The following IMMP2L variants were observed in gnomAD, a reference collection of about 807,000 sequenced individuals.
The protein encoded by IMMP2L is mitochondrial inner membrane protease subunit 2.
In IMMP2L, 18 loss-of-function variants were observed where a neutral mutation model predicts 19.3. The ratio of observed to expected loss-of-function variants is 0.93; its 90% confidence interval spans 0.64 to 1.38. The LOEUF (loss-of-function observed/expected upper bound fraction) is 1.38. Among genes scored for constraint, IMMP2L ranks in the 40% most tolerant of loss-of-function variants. IMMP2L has a pLI of 0.00. For missense variants in IMMP2L, 233 were observed against 218.2 expected, an observed-to-expected ratio of 1.07 and a Z score of -0.43; for synonymous variants, 76 against 73.0, an observed-to-expected ratio of 1.04 and a Z score of -0.21.
Position 111,454,352 on chromosome 7 carries a change from T to G in IMMP2L, c.239+32886A>C, listed in dbSNP as rs1041342497. ...TTCATGGGTAAAAATAAAGTTAAAA[T>G]TTTTTATTTTAATTTTGAAAAAGTA... On this transcript the variant is annotated intron_variant, in intron 3 of 5. Coordinates refer to ENST00000405709, the MANE Select transcript of IMMP2L (RefSeq NM_032549.4). Among the ~76,000 whole-genome samples, 22 of 152,116 alleles carry G rather than the reference T, an allele frequency of 1.4e-4. 1 individual carries two copies. The highest frequency in any genetic ancestry group is 5.3e-4 in the African/African-American group (22 of 41,432).
chr7:111,257,776 T>C (rs1238941352), intron 3 of IMMP2L, among the ~76,000 whole-genome samples: 2 of 152,090 alleles, frequency 1.3e-5, no homozygotes, highest in Non-Finnish European at 2.9e-5. Context: ...AACACCTTTT[T>C]CTTTTTCTTT....
intron 3 of IMMP2L, among the ~76,000 whole-genome samples, chr7:111,464,934 G>A (rs770218706): frequency 4.6e-5 from 7 of 151,934 alleles, no homozygotes; most frequent in East Asian, 3.9e-4. Flanking sequence ...GACTACAGGC[G>A]CCCGCCACCA....
chr7:111,093,907 G>C (rs1436723872), intron 3 of IMMP2L, among the ~76,000 whole-genome samples: 1 of 152,156 alleles, frequency 6.6e-6, no homozygotes, highest in Admixed American at 6.5e-5. Flanking sequence ...GCAACATGCT[G>C]AGTTAGAATG....
At chr7:111,178,841 C>G (rs562414050) in intron 3 of IMMP2L, among the ~76,000 whole-genome samples, 1 of 152,124 alleles carries the variant, frequency 6.6e-6, no homozygotes, top group African/African-American at 2.4e-5. Context: ...GTCTTGAACC[C>G]CTCAAAGTCA....
chr7:111,170,074 T>C (rs1448198071), intron 3 of IMMP2L, among the ~76,000 whole-genome samples: 1 of 151,978 alleles, frequency 6.6e-6, no homozygotes. Flanking sequence ...TCTATACATA[T>C]GCATACATTC....
chr7:110,735,523 G>C (rs912663424), intron 5 of IMMP2L, among the ~76,000 whole-genome samples: 1 of 151,814 alleles, frequency 6.6e-6, no homozygotes, highest in African/African-American at 2.4e-5. Flanking sequence ...GGCTGGGTGT[G>C]GTGGCTTGTG....
At chr7:110,696,425 C>CTT (rs374621101) in intron 5 of IMMP2L, among the ~76,000 whole-genome samples, 18,554 of 119,746 alleles carry the variant, frequency 0.15, 2,204 homozygotes, top group Non-Finnish European at 0.22. Flanking sequence ...TCCTTTTTCT[C>CTT]TTTTTTTTTT....
intron 2 of IMMP2L, among the ~76,000 whole-genome samples, chr7:111,507,381 A>G (rs1845023066): frequency 6.6e-6 from 1 of 152,168 alleles, no homozygotes; most frequent in Non-Finnish European, 1.5e-5. Context: ...TTCGCCTGGA[A>G]ATCTCCTTAG....
At chr7:111,271,662 A>G (rs1302019029) in intron 3 of IMMP2L, among the ~76,000 whole-genome samples, 1 of 152,140 alleles carries the variant, frequency 6.6e-6, no homozygotes, top group African/African-American at 2.4e-5. Context: ...TTTGACAATC[A>G]GTGGCCCAGG....
At chr7:110,798,987 T>C (rs963654542) in intron 5 of IMMP2L, among the ~76,000 whole-genome samples, 4 of 151,996 alleles carry the variant, frequency 2.6e-5, no homozygotes, top group Non-Finnish European at 5.9e-5. Context: ...ACTAAAACAA[T>C]GGTAATACGC....
intron 2 of IMMP2L, among the ~76,000 whole-genome samples, chr7:111,490,750 A>G (rs560047456): frequency 6.6e-6 from 1 of 152,290 alleles, no homozygotes; most frequent in South Asian, 2.1e-4. Flanking sequence ...AATAATAACT[A>G]TTATCTAATT....
intron 4 of IMMP2L, among the ~76,000 whole-genome samples, chr7:110,922,828 G>A (rs564667138): frequency 1.3e-5 from 2 of 152,284 alleles, no homozygotes; most frequent in African/African-American, 4.8e-5. Flanking sequence ...AAGTCTGGAT[G>A]TAATGTTTTT....
intron 3 of IMMP2L, among the ~76,000 whole-genome samples, chr7:111,228,013 C>A (rs766465013): frequency 3.3e-5 from 5 of 152,142 alleles, no homozygotes; most frequent in Non-Finnish European, 1.5e-5. Flanking sequence ...ATTTCAGAAC[C>A]GATTCCATTG....
intron 5 of IMMP2L, among the ~76,000 whole-genome samples, chr7:110,883,274 T>G (rs977407750): frequency 6.6e-6 from 1 of 152,146 alleles, no homozygotes; most frequent in Admixed American, 6.6e-5. Context: ...TTTTCCACAG[T>G]TGTCTGTTTA....
chr7:110,987,557 G>A (rs1821988431), intron 3 of IMMP2L, among the ~76,000 whole-genome samples: 1 of 152,146 alleles, frequency 6.6e-6, no homozygotes, highest in Non-Finnish European at 1.5e-5. Flanking sequence ...TTTCCAAGAT[G>A]TTAATGGTAG....
intron 3 of IMMP2L, among the ~76,000 whole-genome samples, chr7:111,308,510 T>C (rs1452614269): frequency 1.3e-5 from 2 of 151,920 alleles, no homozygotes; most frequent in African/African-American, 4.8e-5. Flanking sequence ...TTTCTATGTA[T>C]GGAGAACAAA....
chr7:111,448,333 A>C (rs1008521311), intron 3 of IMMP2L, among the ~76,000 whole-genome samples: 7 of 147,878 alleles, frequency 4.7e-5, no homozygotes, highest in Admixed American at 1.3e-4. Context: ...GCAAATGTAA[A>C]AGAACAGAAA....
intron 5 of IMMP2L, among the ~76,000 whole-genome samples, chr7:110,762,976 T>C (rs1231337018): frequency 6.6e-6 from 1 of 152,108 alleles, no homozygotes; most frequent in Non-Finnish European, 1.5e-5. Context: ...TAACACTATA[T>C]GTAATAAAAC....
At chr7:111,207,727 G>T (rs2129617745) in intron 3 of IMMP2L, among the ~76,000 whole-genome samples, 1 of 151,706 alleles carries the variant, frequency 6.6e-6, no homozygotes, top group Admixed American at 6.6e-5. Context: ...GTAGAGACAA[G>T]GTTTCACCAT....
Sources: gnomAD v4.1 joint callset for allele counts (sites outside exome capture counted in the v4.1 genomes callset) on GRCh38, gnomAD v4.1.1 for gene constraint, MANE v1.5 for transcripts, NCBI Gene and HGNC (gene_info 2026-07-23, HGNC 2026-07-21) for gene names.